Variants in UNC5C observed in about 807,000 individuals in gnomAD.
UNC5C encodes netrin receptor UNC5C.
Under a neutral mutation model 99.8 loss-of-function variants are expected in UNC5C, and 47 were observed. That is an observed-to-expected ratio of 0.47 (90% CI 0.37 to 0.60). UNC5C has a LOEUF of 0.60. Among genes scored for constraint, UNC5C ranks in the 20% least tolerant of loss-of-function variants. UNC5C has a pLI of 0.00. For synonymous variants in UNC5C, 487 were observed against 452.2 expected (o/e 1.08, Z -0.98); for missense variants, 1,062 against 1,165.9 (o/e 0.91, Z 1.30).
At chr4:95,404,334 T>C (rs553334718) in intron 1 of UNC5C, among the ~76,000 whole-genome samples, 3 of 152,244 alleles carry the variant, frequency 2.0e-5, no homozygotes, top group Admixed American at 1.3e-4. Flanking sequence ...ATTTCATTTC[T>C]GAAAGTACTG....
intron 1 of UNC5C, among the ~76,000 whole-genome samples, chr4:95,362,762 GCACTTTTATTT>G (rs149419544): frequency 0.033 from 5,061 of 152,144 alleles, 123 homozygotes; most frequent in South Asian, 0.057. Flanking sequence ...AAATATATTT[GCACTTTTATTT>G]CATTCATTGA....
chr4:95,246,173 CA>C (rs961527441), intron 5 of UNC5C, among the ~76,000 whole-genome samples: 1 of 152,062 alleles, frequency 6.6e-6, no homozygotes, highest in African/African-American at 2.4e-5. Context: ...CTGTAATGTT[CA>C]AAAACAAGAC....
intron 4 of UNC5C, among the ~76,000 whole-genome samples, chr4:95,267,949 A>ATTTTTTTT (rs869293955): frequency 0.018 from 2,128 of 117,402 alleles, 98 homozygotes; most frequent in East Asian, 0.039. Flanking sequence ...GAATTTTGTG[A>ATTTTTTTT]TTTTTTTTTT....
intron 1 of UNC5C, among the ~76,000 whole-genome samples, chr4:95,353,290 GT>G (rs1243838798): frequency 6.6e-6 from 1 of 152,010 alleles, no homozygotes; most frequent in Non-Finnish European, 1.5e-5. Flanking sequence ...ACATCTAAAA[GT>G]GATGACTTGT....
chr4:95,354,479 A>ATATATATATATTTTTTTTTTTTTT, intron 1 of UNC5C, among the ~76,000 whole-genome samples: 1 of 110,352 alleles, frequency 9.1e-6, no homozygotes, highest in Non-Finnish European at 1.8e-5. Flanking sequence ...ATATATATAT[A>ATATATATATATTTTTTTTTTTTTT]TTTTTTTTTT....
At chr4:95,199,784 C>CTGT (rs1553952413) in intron 12 of UNC5C, among the ~76,000 whole-genome samples, 3 of 151,480 alleles carry the variant, frequency 2.0e-5, no homozygotes, top group Non-Finnish European at 4.4e-5. Flanking sequence ...TTTCTTGGAA[C>CTGT]TGTTGAAAAG....
intron 12 of UNC5C, among the ~76,000 whole-genome samples, chr4:95,198,869 A>G (rs148410302): frequency 1.1e-4 from 17 of 152,332 alleles, no homozygotes; most frequent in Admixed American, 2.0e-4. Flanking sequence ...TGTTCTTAGT[A>G]GAATTAAAGT....
chr4:95,446,279 T>C (rs999628414), intron 1 of UNC5C, among the ~76,000 whole-genome samples: 1 of 151,482 alleles, frequency 6.6e-6, no homozygotes, highest in African/African-American at 2.4e-5. Flanking sequence ...AAAAAAAAAA[T>C]CTACAAAATG....
At chr4:95,489,264 G>A (rs529469051) in intron 1 of UNC5C, among the ~76,000 whole-genome samples, 3 of 151,618 alleles carry the variant, frequency 2.0e-5, no homozygotes, top group Non-Finnish European at 4.4e-5. Flanking sequence ...CTGAGGTTGG[G>A]ACACTGCAAA....
intron 1 of UNC5C, among the ~76,000 whole-genome samples, chr4:95,414,152 A>C (rs943454634): frequency 6.6e-6 from 1 of 152,166 alleles, no homozygotes; most frequent in Non-Finnish European, 1.5e-5. Flanking sequence ...CTTTTATCAG[A>C]TATTTGGAAT....
chr4:95,339,249 G>A (rs1202144781), intron 1 of UNC5C, among the ~76,000 whole-genome samples: 1 of 151,998 alleles, frequency 6.6e-6, no homozygotes, highest in Non-Finnish European at 1.5e-5. Flanking sequence ...TTATGTGTCT[G>A]TGGCCTTCCT....
intron 7 of UNC5C, among the ~76,000 whole-genome samples, chr4:95,232,274 T>C (rs1007934554): frequency 2.0e-5 from 3 of 148,878 alleles, no homozygotes; most frequent in Non-Finnish European, 4.4e-5. Context: ...TTATAAAACA[T>C]ATTATATATG....
Position 95,441,417 on chromosome 4 carries a change from G to A in UNC5C, c.125-105786C>T, listed in dbSNP as rs542757407. On this transcript the variant is annotated intron_variant, in intron 1 of 15. Coordinates refer to ENST00000453304, the MANE Select transcript of UNC5C (RefSeq NM_003728.4). ...AAAGATAATATTAAAATTATTTAATGAATAACGAAGGAGGACTCTGTGATT... is the reference window on the plus strand; with the variant it reads ...AAAGATAATATTAAAATTATTTAATAAATAACGAAGGAGGACTCTGTGATT... Among the ~76,000 whole-genome samples the A allele has an allele frequency of 1.2e-4, 19 of 152,280 alleles. 1 individual carries two copies. The South Asian group carries it at 3.9e-3, about 32-fold the overall frequency.
intron 1 of UNC5C, among the ~76,000 whole-genome samples, chr4:95,483,081 C>A (rs1192443003): frequency 2.7e-5 from 4 of 149,804 alleles, no homozygotes; most frequent in Admixed American, 6.7e-5. Context: ...AGTACCAGCC[C>A]ATGACTACCT....
intron 1 of UNC5C, among the ~76,000 whole-genome samples, chr4:95,387,159 G>A (rs573395493): frequency 6.0e-5 from 9 of 150,624 alleles, no homozygotes; most frequent in African/African-American, 2.2e-4. Flanking sequence ...TTTTTTTTGA[G>A]ACAAGGTCTC....
chr4:95,479,711 C>T (rs1049141506), intron 1 of UNC5C, among the ~76,000 whole-genome samples: 7 of 151,574 alleles, frequency 4.6e-5, no homozygotes, highest in Admixed American at 1.3e-4. Flanking sequence ...AAAACCAATC[C>T]CCATAAAAAA....
rs77028450 is a variant in UNC5C at position 95,301,649 on chromosome 4, G to T, written c.447C>A (p.Ser149=). The T allele has an allele frequency of 4.4e-3, 7,119 of 1,613,796 alleles. 239 individuals are homozygous for T. The African/African-American group carries it at 0.079, about 18-fold the overall frequency. Residue 149 remains serine, a synonymous_variant, in exon 3 of 16, where the codon TCC becomes TCA. Coordinates refer to ENST00000453304, the MANE Select transcript of UNC5C (RefSeq NM_003728.4). ...CCTTCCGGCTCTTTGTGGTACCCGC[G>T]GAGCTCCAGGCCACACACTGGCACC... ...DYWCQCVAWS[S]AGTTKSRKAY...
chr4:95,360,518 T>G lies in UNC5C; in HGVS notation c.125-24887A>C, dbSNP rs1346243534. Among the ~76,000 whole-genome samples, 4 of 152,154 alleles carry G rather than the reference T, an allele frequency of 2.6e-5. No individual in the cohort carries two copies. In the South Asian group the frequency reaches 8.3e-4, roughly 32 times the overall value. ...TTGCAAAAAACATACAGGGAAAGGA[T>G]TCCAAGTTAAGTAGTGCAATACAAC... On this transcript the variant is annotated intron_variant, in intron 1 of 15. Transcript: ENST00000453304.
chr4:95,250,726 G>T (rs902814921), intron 4 of UNC5C, 59 bp from the exon 5 acceptor site: 147 of 1,523,634 alleles, frequency 9.6e-5, no homozygotes, highest in Non-Finnish European at 1.3e-4. Context: ...ATGGCTGTCT[G>T]TCCTAACCTG....
Sources: allele counts gnomAD v4.1 joint callset (sites outside exome capture counted in the v4.1 genomes callset), GRCh38; gene constraint gnomAD v4.1.1; transcripts MANE v1.5; gene names NCBI Gene and HGNC (gene_info 2026-07-23, HGNC 2026-07-21).